Variants in NRROS observed in about 807,000 individuals in gnomAD.
NRROS encodes transforming growth factor beta activator LRRC33.
NRROS carries 6 observed loss-of-function variants against 12.0 expected under a neutral mutation model. The observed-to-expected ratio is 0.50, with a 90% CI of 0.27 to 0.98. The LOEUF is 0.98. NRROS is among the 50% of genes least tolerant of loss of function. The pLI, the probability that NRROS is intolerant of heterozygous loss-of-function variation, is 0.11. For missense variants in NRROS, 857 were observed against 888.2 expected (o/e 0.96, Z 0.45); for synonymous variants, 462 against 410.2 (o/e 1.13, Z -1.53).
chr3:196,642,790 G>T (rs552277503), intron 1 of NRROS, among the ~76,000 whole-genome samples: 1 of 152,104 alleles, frequency 6.6e-6, no homozygotes, highest in Non-Finnish European at 1.5e-5. Context: ...GGTCACTTTC[G>T]GCCGGGCGCG....
chr3:196,653,294 C>T (rs369015654), intron 1 of NRROS, among the ~76,000 whole-genome samples: 40 of 152,182 alleles, frequency 2.6e-4, no homozygotes, highest in African/African-American at 8.9e-4. Context: ...CTGGCTTACC[C>T]GGTTTCATTG....
chr3:196,654,990 A>G lies in NRROS; in HGVS notation c.108+343A>G. The G allele has an allele frequency of 4.6e-6, 1 of 217,522 alleles. No individual in the cohort carries two copies. Among genetic ancestry groups the G allele is most frequent in the South Asian group, 7.4e-5 (1 of 13,468 alleles). The allele number at this position is 217,522 out of a possible 1,614,324, so 13.5% of individuals were successfully genotyped here. On this transcript the variant is annotated intron_variant, in intron 2 of 2. Transcript: ENST00000328557. The surrounding 1 kb of genome is among the most constrained non-coding windows in gnomAD (Gnocchi z 4.4). Reference sequence around the variant, plus strand: ...AGTGGCTCAGGCCTGTAATCCCAGCACTTTAGGAGGCCGAGGCAGGCAGAT... The same window carrying G: ...AGTGGCTCAGGCCTGTAATCCCAGCGCTTTAGGAGGCCGAGGCAGGCAGAT...
At position 196,660,131 on chromosome 3, in the gene NRROS, C is replaced by T. The variant is rs1333193923; in HGVS notation, c.488C>T (p.Ser163Phe). 3.1e-6 allele frequency: 5 copies of T among 1,613,156 alleles called. No homozygotes were observed. The South Asian group carries it at 5.5e-5, about 18-fold the overall frequency. The change falls in exon 3 of 3, where the codon TCC (serine) becomes TTC (phenylalanine). Residue 163 changes from serine to phenylalanine, a missense_variant. Physicochemically the swap from Ser to Phe is radical, Grantham distance 155. Coordinates refer to ENST00000328557, the MANE Select transcript of NRROS (RefSeq NM_198565.3). The surrounding 1 kb of genome is among the most constrained non-coding windows in gnomAD (Gnocchi z 7.7). ...LQNLSSLRSV[S>F]LAGNTIMRLD... ...AACCTCTCCTCGCTGCGGTCCGTGT[C>T]CCTGGCGGGGAACACCATCATGCGG...
intron 1 of NRROS, among the ~76,000 whole-genome samples, chr3:196,644,769 CAAAAAAAAAAA>C (rs57304721): frequency 1.8e-5 from 2 of 109,210 alleles, no homozygotes; most frequent in African/African-American, 7.8e-5. Flanking sequence ...GAGACTCTGT[CAAAAAAAAAAA>C]AAAAAAAAAA....
chr3:196,645,665 G>A (rs1183470530), intron 1 of NRROS, among the ~76,000 whole-genome samples: 2 of 152,024 alleles, frequency 1.3e-5, no homozygotes, highest in African/African-American at 2.4e-5. Flanking sequence ...ATATGCTTTC[G>A]TTCTTCAATC....
In NRROS at chr3:196,660,894, C is replaced by G. The variant is rs372771809; in HGVS notation, c.1251C>G (p.Val417=). The G allele has an allele frequency of 2.5e-6, 4 of 1,613,908 alleles. No individual in the cohort carries two copies. Among genetic ancestry groups the G allele is most frequent in the Admixed American group, 1.7e-5 (1 of 60,004 alleles). ...TGAGCTCCAACCAGCTCCTGGGCGT[C>G]CCCCCTGGCCTCTTCGCCAATGCTA... is the stretch of plus-strand genomic sequence containing the variant. ...FNLSSNQLLG[V]PPGLFANARN... Residue 417 remains valine (V), a synonymous_variant, in exon 3 of 3, where the codon GTC becomes GTG. Transcript: ENST00000328557. The surrounding 1 kb of genome is among the most constrained non-coding windows in gnomAD (Gnocchi z 7.7).
At chr3:196,640,755 T>C (rs561537264) in intron 1 of NRROS, among the ~76,000 whole-genome samples, 1 of 152,244 alleles carries the variant, frequency 6.6e-6, no homozygotes, top group South Asian at 2.1e-4. Flanking sequence ...TGCCAGTTGG[T>C]GGCTGCGACT....
At chr3:196,648,781 A>T (rs1228797649) in intron 1 of NRROS, among the ~76,000 whole-genome samples, 1 of 151,416 alleles carries the variant, frequency 6.6e-6, no homozygotes, top group East Asian at 1.9e-4. Flanking sequence ...AAAAAAAAAA[A>T]AAAAAAAAAT....
At chr3:196,642,883 A>G (rs1228408287) in intron 1 of NRROS, among the ~76,000 whole-genome samples, 1 of 152,088 alleles carries the variant, frequency 6.6e-6, no homozygotes, top group Non-Finnish European at 1.5e-5. Flanking sequence ...CAGCCTGGCC[A>G]AAATGGTGAA....
intron 1 of NRROS, among the ~76,000 whole-genome samples, chr3:196,640,216 C>T (rs989848926): frequency 1.3e-5 from 2 of 152,172 alleles, no homozygotes; most frequent in South Asian, 4.1e-4. Flanking sequence ...GTTTCTGAGC[C>T]TCAGTTTTCT....
At chr3:196,659,443 G>T (rs1260335228) in intron 2 of NRROS, among the ~76,000 whole-genome samples, 1 of 151,830 alleles carries the variant, frequency 6.6e-6, no homozygotes, top group Non-Finnish European at 1.5e-5. Flanking sequence ...GAGTAGCTGG[G>T]ATTACAGGTG....
intron 2 of NRROS, among the ~76,000 whole-genome samples, chr3:196,659,339 C>T (rs939559933): frequency 9.4e-5 from 13 of 138,098 alleles, no homozygotes; most frequent in East Asian, 4.7e-4. Context: ...CTTGCTCTGT[C>T]GCCCAGGCTG....
chr3:196,645,403 C>T (rs1195574397), intron 1 of NRROS, among the ~76,000 whole-genome samples: 1 of 152,132 alleles, frequency 6.6e-6, no homozygotes, highest in African/African-American at 2.4e-5. Flanking sequence ...GTGGCTCTAA[C>T]ATTCTCTAGC....
Position 196,660,996 on chromosome 3 carries a change from C to T in NRROS, c.1353C>T (p.Gly451=), listed in dbSNP as rs759330403. The T allele has an allele frequency of 6.2e-6, 10 of 1,613,960 alleles. No individual in the cohort carries two copies. The Admixed American group carries it at 1.0e-4, about 16-fold the overall frequency. The change falls in exon 3 of 3, where the codon GGC becomes GGT. Residue 451 remains glycine, a synonymous_variant. Transcript: ENST00000328557. The surrounding 1 kb of genome is among the most constrained non-coding windows in gnomAD (Gnocchi z 7.7). The part of the protein sequence containing the change: ...CPLPAASDRV[G]PPSCVDFRNM... Reference sequence around the variant, plus strand: ...TGCCAGCTGCCTCGGACCGGGTGGGCCCCCCTAGCTGTGTGGATTTCAGGA... The same window carrying T: ...TGCCAGCTGCCTCGGACCGGGTGGGTCCCCCTAGCTGTGTGGATTTCAGGA...
chr3:196,649,562 C>G (rs112290230), intron 1 of NRROS, among the ~76,000 whole-genome samples: 1 of 152,150 alleles, frequency 6.6e-6, no homozygotes, highest in Non-Finnish European at 1.5e-5. Context: ...AGCTCCACCT[C>G]CCGGGTTCAC....
At chr3:196,642,292 G>GA (rs76036994) in intron 1 of NRROS, among the ~76,000 whole-genome samples, 6 of 143,536 alleles carry the variant, frequency 4.2e-5, no homozygotes, top group South Asian at 4.3e-4. Flanking sequence ...CGGCAAAAAA[G>GA]AAAAAAAAAA....
At chr3:196,644,394 G>A (rs1459847445) in intron 1 of NRROS, among the ~76,000 whole-genome samples, 2 of 137,306 alleles carry the variant, frequency 1.5e-5, no homozygotes, top group East Asian at 4.3e-4. Flanking sequence ...GTGAGACCCC[G>A]TCTCAAAAAA....
intron 1 of NRROS, among the ~76,000 whole-genome samples, chr3:196,641,607 A>G (rs1048541348): frequency 6.6e-6 from 1 of 152,228 alleles, no homozygotes; most frequent in Non-Finnish European, 1.5e-5. Flanking sequence ...CTCTTTGATG[A>G]TGAGACATAC....
At chr3:196,647,055 T>C (rs1342540509) in intron 1 of NRROS, among the ~76,000 whole-genome samples, 2 of 152,268 alleles carry the variant, frequency 1.3e-5, no homozygotes, top group South Asian at 2.1e-4. Flanking sequence ...ACGTCATTCC[T>C]ATCATGTAGT....
Sources: allele counts gnomAD v4.1 joint callset (sites outside exome capture counted in the v4.1 genomes callset), GRCh38; gene constraint gnomAD v4.1.1; non-coding constraint Gnocchi (gnomAD v3.1); transcripts MANE v1.5; gene names NCBI Gene and HGNC (gene_info 2026-07-23, HGNC 2026-07-21).